TMEM67: variants seen among roughly 807,000 people sequenced by gnomAD.
TMEM67 encodes meckelin.
Under a neutral mutation model 136.6 loss-of-function variants are expected in TMEM67, and 124 were observed. The observed-to-expected ratio is 0.91, with a 90% CI of 0.78 to 1.05. The LOEUF (loss-of-function observed/expected upper bound fraction) is 1.05. Among genes scored for constraint, TMEM67 ranks in the 50% least tolerant of loss-of-function variants. The pLI is 0.00. For synonymous variants in TMEM67, 364 were observed against 390.5 expected (o/e 0.93, Z 0.80); for missense variants, 1,107 against 1,178.4 (o/e 0.94, Z 0.89).
intron 11 of TMEM67, among the ~76,000 whole-genome samples, chr8:93,783,910 C>G (rs1813974323): frequency 6.6e-6 from 1 of 152,164 alleles, no homozygotes; most frequent in South Asian, 2.1e-4. Context: ...TCCCATGACA[C>G]ATGGGGATTA....
chr8:93,782,255 A>C, intron 10 of TMEM67, 140 bp from the exon 11 acceptor site: 2 of 689,690 alleles, frequency 2.9e-6, no homozygotes, highest in Non-Finnish European at 5.0e-6. Context: ...TTTATAACAG[A>C]TGTTCCCTTA....
chr8:93,789,849 T>C (rs568823599), intron 14 of TMEM67, among the ~76,000 whole-genome samples: 2 of 151,908 alleles, frequency 1.3e-5, no homozygotes, highest in Non-Finnish European at 2.9e-5. Flanking sequence ...GGCAGGCAGA[T>C]CAGTTGAGGT....
At chr8:93,783,592 A>C (rs935952007) in intron 11 of TMEM67, among the ~76,000 whole-genome samples, 4 of 152,226 alleles carry the variant, frequency 2.6e-5, no homozygotes, top group Admixed American at 2.0e-4. Context: ...CAATACTTGA[A>C]AAACATGCAT....
intron 23 of TMEM67, among the ~76,000 whole-genome samples, chr8:93,807,249 G>T (rs888607358): frequency 6.6e-6 from 1 of 152,018 alleles, no homozygotes; most frequent in African/African-American, 2.4e-5. Flanking sequence ...GCTTTTTAAG[G>T]TTCATAATCT....
chr8:93,798,411 G>A (rs1814715631), intron 20 of TMEM67, among the ~76,000 whole-genome samples: 1 of 152,144 alleles, frequency 6.6e-6, no homozygotes, highest in African/African-American at 2.4e-5. Context: ...CAACAAATTT[G>A]TATTGAACAC....
intron 12 of TMEM67, 80 bp downstream of exon 12, chr8:93,785,458 C>T: frequency 7.2e-7 from 1 of 1,382,020 alleles, no homozygotes; most frequent in South Asian, 1.2e-5. Flanking sequence ...TTTAATAAAC[C>T]ACTGATTATA....
At chr8:93,824,955 G>A in the TMEM67 span, among the ~76,000 whole-genome samples, 1 of 152,056 alleles carries the variant, frequency 6.6e-6, no homozygotes, top group African/African-American at 2.4e-5. Flanking sequence ...GACCAAAAAT[G>A]ATCCACCCAC....
chr8:93,783,549 A>G, intron 11 of TMEM67, among the ~76,000 whole-genome samples: 1 of 152,202 alleles, frequency 6.6e-6, no homozygotes, highest in East Asian at 1.9e-4. Context: ...TTTTGAAATT[A>G]CATTATTTTA....
intron 26 of TMEM67, among the ~76,000 whole-genome samples, chr8:93,813,812 A>G (rs1261349461): frequency 6.6e-6 from 1 of 152,222 alleles, no homozygotes; most frequent in Non-Finnish European, 1.5e-5. Flanking sequence ...CAATAAATTG[A>G]GGAGTTGCTA....
chr8:93,827,068 T>C, the TMEM67 span, among the ~76,000 whole-genome samples: 1 of 152,264 alleles, frequency 6.6e-6, no homozygotes, highest in South Asian at 2.1e-4. Flanking sequence ...TGACCTCAGG[T>C]GATCTGCCCA....
the TMEM67 span, among the ~76,000 whole-genome samples, chr8:93,827,944 T>C: frequency 1.3e-5 from 2 of 152,104 alleles, no homozygotes; most frequent in Non-Finnish European, 2.9e-5. Flanking sequence ...TGGTACACAC[T>C]TTTTGCCCTT....
chr8:93,788,494 C>T (rs1165794733), intron 14 of TMEM67, among the ~76,000 whole-genome samples: 2 of 152,054 alleles, frequency 1.3e-5, no homozygotes, highest in Admixed American at 6.5e-5. Flanking sequence ...ACCTGGGAGG[C>T]GAAGGTGTAG....
intron 20 of TMEM67, 85 bp downstream of exon 20, chr8:93,797,555 A>G: frequency 1.5e-6 from 2 of 1,302,914 alleles, no homozygotes; most frequent in Non-Finnish European, 2.2e-6. Flanking sequence ...AGTTTTCATG[A>G]CAGTGGAAGA....
intron 6 of TMEM67, among the ~76,000 whole-genome samples, chr8:93,767,678 G>A (rs1813134163): frequency 6.8e-6 from 1 of 147,686 alleles, no homozygotes. Context: ...TGCTCAAATT[G>A]TCCTATATCT....
Position 93,786,329 on chromosome 8 carries a change from T to C in TMEM67, c.1395T>C (p.Ala465=). The part of the protein sequence containing the change: ...LGTQPRVIRV[A]TQISLSVHLV... ...CTCAGCCAAGAGTAATTCGAGTTGC[T>C]ACTCAAATATCACTGAGGTAAACAA... Residue 465 remains alanine, a synonymous_variant, in exon 13 of 28, where the codon GCT becomes GCC. Coordinates refer to ENST00000453321, the MANE Select transcript of TMEM67 (RefSeq NM_153704.6). The C allele has an allele frequency of 6.2e-7, 1 of 1,613,892 alleles. No homozygotes were observed. Among genetic ancestry groups the C allele is most frequent in the Non-Finnish European group, 8.5e-7 (1 of 1,179,818 alleles).
chr8:93,790,179 G>A (rs964235195), intron 14 of TMEM67, among the ~76,000 whole-genome samples: 11 of 152,100 alleles, frequency 7.2e-5, no homozygotes, highest in African/African-American at 2.7e-4. Context: ...CGTGGCAGCT[G>A]TTGCAAAATT....
downstream of TMEM67, among the ~76,000 whole-genome samples, chr8:93,818,459 A>G (rs1808981428): frequency 6.6e-6 from 1 of 152,256 alleles, no homozygotes; most frequent in Non-Finnish European, 1.5e-5. Context: ...CTGCCTTTTC[A>G]GAAGGCTTTG....
intron 2 of TMEM67, chr8:93,757,184 G>T (rs140643206): frequency 4.5e-4 from 68 of 151,986 alleles, no homozygotes; most frequent in Admixed American, 1.1e-3. Context: ...GATAAATTCA[G>T]TCTTTTCAAC....
chr8:93,801,797 G>T (rs1354988381), intron 21 of TMEM67, among the ~76,000 whole-genome samples: 1 of 152,132 alleles, frequency 6.6e-6, no homozygotes, highest in African/African-American at 2.4e-5. Flanking sequence ...TTAAATTGAT[G>T]AGACTTACTC....
Sources: gnomAD v4.1 joint callset for allele counts (sites outside exome capture counted in the v4.1 genomes callset) on GRCh38, gnomAD v4.1.1 for gene constraint, MANE v1.5 for transcripts, NCBI Gene and HGNC (gene_info 2026-07-23, HGNC 2026-07-21) for gene names.